The following RAI2 variants were observed in gnomAD, a reference collection of about 807,000 sequenced individuals.
RAI2 encodes the protein retinoic acid-induced protein 2.
In RAI2, 5 loss-of-function variants were observed where a neutral mutation model predicts 15.3. The ratio of observed to expected loss-of-function variants is 0.33; its 90% CI spans 0.17 to 0.69. RAI2 has a LOEUF of 0.69. Among genes scored for constraint, RAI2 ranks in the 30% least tolerant of loss-of-function variants. The pLI, the probability that RAI2 is intolerant of heterozygous loss-of-function variation, is 0.69. For missense variants in RAI2, 424 were observed against 424.7 expected (o/e 1.00, Z 0.01); for synonymous variants, 191 against 184.0 (o/e 1.04, Z -0.31).
At chrX:17,860,518 G>C (rs779165926) in intron 1 of RAI2, 2 of 112,895 alleles carry the variant, frequency 1.8e-5, no homozygotes, top group South Asian at 7.3e-4. Context: ...CCCGGCTCCG[G>C]GGGGGATGCG....
intron 1 of RAI2, among the ~76,000 whole-genome samples, chrX:17,836,524 G>A (rs996416704): frequency 4.5e-5 from 5 of 111,892 alleles, no homozygotes; most frequent in African/African-American, 1.3e-4. Flanking sequence ...AATTTCTAGC[G>A]AACGAGTATG....
intron 1 of RAI2, among the ~76,000 whole-genome samples, chrX:17,829,207 G>C (rs1419981275): frequency 5.8e-5 from 6 of 103,330 alleles, no homozygotes; most frequent in African/African-American, 2.2e-4. Flanking sequence ...TTGGGCTTCA[G>C]CTAATGAATA....
At chrX:17,817,696 G>A (rs1310250005) in intron 1 of RAI2, among the ~76,000 whole-genome samples, 1 of 112,345 alleles carries the variant, frequency 8.9e-6, no homozygotes, top group Non-Finnish European at 1.9e-5. Flanking sequence ...CTGGGAAGTT[G>A]GCACACCTGG....
In RAI2 at chrX:17,800,351, T is replaced by G; in HGVS notation, c.*67A>C. The G allele has an allele frequency of 9.1e-7, 1 of 1,101,261 alleles. No individual in the cohort carries two copies. 90.8% of individuals were successfully genotyped at this position (1,101,261 alleles called of 1,213,427 possible). A position where few individuals can be genotyped will look rare whatever the true frequency, so the allele number is the denominator to read the frequency against. On this transcript the variant is annotated 3_prime_UTR_variant, in exon 2 of 2. Transcript: ENST00000451717. ...ATTAACAAAGATAATTTGTTTTAAA[T>G]GCCTTTTTATAAAACCAATGCACCT...
rs2067683910 is a variant in RAI2 at position 17,861,034 on chromosome X, T to C, written c.-25+64A>G. On this transcript the variant is annotated intron_variant, in intron 1 of 1. Coordinates refer to ENST00000451717, the MANE Select transcript of RAI2 (RefSeq NM_021785.6). Reference sequence around the variant, plus strand: ...GCCCGGCGCGCCCCCTGCGTCCCGGTGGCAGCTCCGCGCGGGGAGGGCGGG... The same window carrying C: ...GCCCGGCGCGCCCCCTGCGTCCCGGCGGCAGCTCCGCGCGGGGAGGGCGGG... 3.8e-5 allele frequency: 4 copies of C among 105,540 alleles called. No homozygotes were observed. In the South Asian group the frequency reaches 1.2e-3, roughly 32 times the overall value. The allele number at this position is 105,540 out of a possible 1,213,427, so 8.7% of individuals were successfully genotyped here. A position where few individuals can be genotyped will look rare whatever the true frequency, so the allele number is the denominator to read the frequency against.
chrX:17,859,734 A>C (rs1192257464), intron 1 of RAI2, among the ~76,000 whole-genome samples: 1 of 112,017 alleles, frequency 8.9e-6, no homozygotes, highest in Non-Finnish European at 1.9e-5. Context: ...ACAGCCCACG[A>C]CATAGGGGCA....
At chrX:17,832,412 C>T (rs2067291939) in intron 1 of RAI2, among the ~76,000 whole-genome samples, 1 of 112,066 alleles carries the variant, frequency 8.9e-6, no homozygotes, top group African/African-American at 3.2e-5. Context: ...TACAGCTGCT[C>T]GCCTCACCCA....
In RAI2 at chrX:17,800,804, T is replaced by C. The variant is rs755869983; in HGVS notation, c.1207A>G (p.Ser403Gly). Residue 403 changes from serine (S) to glycine (G), a missense_variant, in exon 2 of 2, where the codon AGC (serine) becomes GGC (glycine). Ser to Gly is a moderately conservative substitution (Grantham distance 56). Coordinates refer to ENST00000451717, the MANE Select transcript of RAI2 (RefSeq NM_021785.6). ...EAPAMMDSHI[S>G]SSDAATEMLS... The stretch of plus-strand genomic sequence containing the variant: ...ATCTCGGTAGCAGCATCACTGCTGC[T>C]GATGTGACTATCCATCATGGCTGGG... The C allele has an allele frequency of 8.3e-6, 10 of 1,210,035 alleles. No individual in the cohort carries two copies. The highest frequency in any genetic ancestry group is 1.1e-5 in the Non-Finnish European group (10 of 895,193).
chrX:17,856,874 G>C (rs2067614490), intron 1 of RAI2, among the ~76,000 whole-genome samples: 2 of 112,044 alleles, frequency 1.8e-5, no homozygotes, highest in Admixed American at 1.9e-4. Context: ...GTGTGTTCGT[G>C]TGTGTGTTCT....
intron 1 of RAI2, among the ~76,000 whole-genome samples, chrX:17,842,515 A>C (rs2067410257): frequency 9.0e-6 from 1 of 111,590 alleles, no homozygotes; most frequent in Non-Finnish European, 1.9e-5. Flanking sequence ...GTAATAAAAC[A>C]GGTACCTTTT....
rs751571708 is a variant in RAI2 at position 17,800,682 on chromosome X, G to T, written c.1329C>A (p.Val443=). 8.3e-7 allele frequency: 1 copy of T among 1,211,280 alleles called. No individual in the cohort carries two copies. The highest frequency in any genetic ancestry group is 1.1e-6 in the Non-Finnish European group (1 of 895,351). Residue 443 remains valine (V), a synonymous_variant, in exon 2 of 2, where the codon GTC becomes GTA. Transcript: ENST00000451717. ...AGAATATGGTAGGCACAGCATCTTC[G>T]ACAGAGACAATGACCTTGGCCGCCT... The part of the protein sequence containing the change: ...ESQAAKVIVS[V]EDAVPTIFCG...
At chrX:17,853,774 G>A (rs1182516050) in intron 1 of RAI2, among the ~76,000 whole-genome samples, 3 of 111,156 alleles carry the variant, frequency 2.7e-5, no homozygotes, top group African/African-American at 9.8e-5. Context: ...AATGAAATAG[G>A]TTCTCCATCT....
At chrX:17,849,830 G>A (rs926470076) in intron 1 of RAI2, among the ~76,000 whole-genome samples, 12 of 112,897 alleles carry the variant, frequency 1.1e-4, no homozygotes, top group African/African-American at 3.9e-4. Flanking sequence ...GAGACTTGTA[G>A]TAAGGCTGCA....
At chrX:17,841,593 C>T (rs1024127215) in intron 1 of RAI2, among the ~76,000 whole-genome samples, 7 of 112,256 alleles carry the variant, frequency 6.2e-5, no homozygotes, top group African/African-American at 1.9e-4. Flanking sequence ...GTGTACAATA[C>T]GATACTATTC....
intron 1 of RAI2, among the ~76,000 whole-genome samples, chrX:17,854,014 T>G (rs1405541878): frequency 5.3e-5 from 6 of 112,267 alleles, no homozygotes; most frequent in Non-Finnish European, 9.4e-5. Flanking sequence ...TCCCGTTTTT[T>G]GCTAGCTGGG....
intron 1 of RAI2, among the ~76,000 whole-genome samples, chrX:17,806,811 T>C (rs748147146): frequency 5.7e-4 from 63 of 110,699 alleles, no homozygotes; most frequent in Non-Finnish European, 1.1e-3. Context: ...CTTACAATCA[T>C]GGCAGAAGGT....
intron 1 of RAI2, among the ~76,000 whole-genome samples, chrX:17,853,408 C>G (rs1601939531): frequency 8.9e-6 from 1 of 111,749 alleles, no homozygotes; most frequent in African/African-American, 3.3e-5. Context: ...ACACAAAGTA[C>G]TTATTAAATT....
intron 1 of RAI2, among the ~76,000 whole-genome samples, chrX:17,814,688 C>T (rs2147226707): frequency 9.1e-6 from 1 of 109,896 alleles, no homozygotes; most frequent in South Asian, 4.0e-4. Flanking sequence ...ACGAGGGGGC[C>T]AGAGATGACT....
chrX:17,842,474 A>G (rs1271847100), intron 1 of RAI2, among the ~76,000 whole-genome samples: 2 of 111,445 alleles, frequency 1.8e-5, no homozygotes, highest in Non-Finnish European at 3.8e-5. Flanking sequence ...AGAAATAAAT[A>G]TGCTAAAAAT....
Sources: allele counts gnomAD v4.1 joint callset (sites outside exome capture counted in the v4.1 genomes callset), GRCh38; gene constraint gnomAD v4.1.1; transcripts MANE v1.5; gene names NCBI Gene and HGNC (gene_info 2026-07-23, HGNC 2026-07-21).